RALGPS2: variants seen among roughly 807,000 people sequenced by gnomAD.
RALGPS2 encodes the protein Ral GEF with PH domain and SH3 binding motif 2, also known as ras-specific guanine nucleotide-releasing factor RalGPS2.
A neutral mutation model predicts 86.8 loss-of-function variants in RALGPS2; 43 were observed. The observed-to-expected ratio is 0.50, with a 90% CI of 0.39 to 0.64. The LOEUF (loss-of-function observed/expected upper bound fraction) is 0.64, where lower values mean the gene tolerates loss of function less well. Ranked by LOEUF, RALGPS2 falls within the 30% of genes least tolerant of loss-of-function variation. The pLI is 0.00. For missense variants in RALGPS2, 536 were observed against 694.6 expected (o/e 0.77, Z 2.57); for synonymous variants, 243 against 231.3 (o/e 1.05, Z -0.46).
intron 18 of RALGPS2, among the ~76,000 whole-genome samples, chr1:178,905,292 T>C (rs1387112642): frequency 2.0e-5 from 3 of 152,224 alleles, no homozygotes; most frequent in African/African-American, 7.2e-5. Context: ...AGTTAACAGA[T>C]TCTTTGTTTT....
At chr1:178,806,878 T>C (rs1279661581) in intron 4 of RALGPS2, among the ~76,000 whole-genome samples, 1 of 152,204 alleles carries the variant, frequency 6.6e-6, no homozygotes, top group East Asian at 1.9e-4. Context: ...GTTTCGGACC[T>C]TGGACTCGTC....
chr1:178,793,004 C>G (rs112821161), intron 4 of RALGPS2, among the ~76,000 whole-genome samples: 4 of 152,144 alleles, frequency 2.6e-5, no homozygotes, highest in African/African-American at 9.7e-5. Flanking sequence ...CTGCCCCTCC[C>G]CCTTTGTAAA....
At chr1:178,843,576 T>C (rs12143579) in intron 8 of RALGPS2, among the ~76,000 whole-genome samples, 67,936 of 146,196 alleles carry the variant, frequency 0.46, 17,097 homozygotes, top group African/African-American at 0.66. Context: ...GTGGGTGCAG[T>C]GCACCAACAT....
intron 1 of RALGPS2, among the ~76,000 whole-genome samples, chr1:178,752,328 T>G (rs1186263619): frequency 1.3e-5 from 2 of 149,890 alleles, no homozygotes; most frequent in Non-Finnish European, 2.9e-5. Context: ...TTTTTTTTTT[T>G]TTGTAGAGAT....
chr1:178,780,569 G>A (rs892836985), intron 2 of RALGPS2, among the ~76,000 whole-genome samples: 3 of 151,906 alleles, frequency 2.0e-5, no homozygotes, highest in African/African-American at 7.3e-5. Flanking sequence ...CTTCAAAATG[G>A]CCCCAAATTT....
intron 6 of RALGPS2, among the ~76,000 whole-genome samples, chr1:178,817,565 T>G (rs1005452597): frequency 2.0e-5 from 3 of 152,020 alleles, no homozygotes; most frequent in Non-Finnish European, 4.4e-5. Flanking sequence ...GTGTTCTAAT[T>G]TTTTTTTCTT....
Position 178,897,667 on chromosome 1 carries a change from G to A in RALGPS2, c.1435G>A (p.Ala479Thr). 1 of 1,609,920 alleles carries A rather than the reference G, an allele frequency of 6.2e-7. No individual in the cohort carries two copies. Among genetic ancestry groups the A allele is most frequent in the Non-Finnish European group, 8.5e-7 (1 of 1,176,660 alleles). ...LLKEGKKPTV[A>T]SWTKYWAALC... ...TTCCTGTGTTTGTCCTATCCAGGTA[G>A]CATCTTGGACAAAATATTGGGCAGC... The change falls in exon 17 of 20, where the codon GCA becomes ACA. Residue 479 changes from alanine (A) to threonine (T), a missense_variant. Coordinates refer to ENST00000367635, the MANE Select transcript of RALGPS2 (RefSeq NM_152663.5).
At chr1:178,856,801 C>T (rs373642125) in intron 8 of RALGPS2, among the ~76,000 whole-genome samples, 4 of 152,134 alleles carry the variant, frequency 2.6e-5, no homozygotes, top group African/African-American at 9.6e-5. Flanking sequence ...GATGAATGTA[C>T]AGTCATTTCT....
At chr1:178,863,742 AGAAG>A (rs1459320455) in intron 8 of RALGPS2, among the ~76,000 whole-genome samples, 1 of 152,218 alleles carries the variant, frequency 6.6e-6, no homozygotes, top group Non-Finnish European at 1.5e-5. Flanking sequence ...TTTAAGGCAT[AGAAG>A]GAAGAAGATG....
At chr1:178,879,189 G>C in intron 10 of RALGPS2, 197 bp downstream of exon 10, 1 of 595,944 alleles carries the variant, frequency 1.7e-6, no homozygotes, top group East Asian at 3.9e-5. Context: ...TACCTCATCT[G>C]TTCTTTTTAA....
chr1:178,764,996 T>G (rs961145778), intron 1 of RALGPS2, among the ~76,000 whole-genome samples: 1 of 152,140 alleles, frequency 6.6e-6, no homozygotes, highest in African/African-American at 2.4e-5. Context: ...CTTTGTGCTC[T>G]CTCTCTCCTG....
intron 1 of RALGPS2, chr1:178,726,400 G>T (rs1650004973): frequency 6.6e-6 from 1 of 152,132 alleles, no homozygotes; most frequent in Non-Finnish European, 1.5e-5. Flanking sequence ...GTACGTGGGC[G>T]TGTTTGGGAA....
chr1:178,894,175 C>A, intron 16 of RALGPS2, 151 bp downstream of exon 16: 1 of 514,238 alleles, frequency 1.9e-6, no homozygotes, highest in Admixed American at 3.5e-5. Context: ...ATCCTTGGGT[C>A]ATCCATTCCA....
At chr1:178,747,859 G>A in intron 1 of RALGPS2, 1 of 580,474 alleles carries the variant, frequency 1.7e-6, no homozygotes. Context: ...AATGTTAATA[G>A]TTACTAAATA....
chr1:178,795,527 C>G (rs1654150166), intron 4 of RALGPS2, among the ~76,000 whole-genome samples: 1 of 152,032 alleles, frequency 6.6e-6, no homozygotes, highest in Non-Finnish European at 1.5e-5. Flanking sequence ...GTTCTTCTGC[C>G]TCAGCCTCCT....
At chr1:178,800,232 A>G (rs1361221298) in intron 4 of RALGPS2, among the ~76,000 whole-genome samples, 1 of 152,230 alleles carries the variant, frequency 6.6e-6, no homozygotes, top group Non-Finnish European at 1.5e-5. Context: ...TTCTTTTACA[A>G]CATGGACCGT....
chr1:178,779,734 T>C (rs1213793034), intron 2 of RALGPS2, among the ~76,000 whole-genome samples: 1 of 152,214 alleles, frequency 6.6e-6, no homozygotes, highest in Non-Finnish European at 1.5e-5. Context: ...ATGTGTTGTT[T>C]ATTTGTGGTG....
chr1:178,890,115 C>G (rs1659658739), intron 14 of RALGPS2, among the ~76,000 whole-genome samples: 1 of 151,840 alleles, frequency 6.6e-6, no homozygotes, highest in Non-Finnish European at 1.5e-5. Context: ...TTAAATTATA[C>G]AAGTAAAGCA....
chr1:178,845,693 T>C (rs184407773), intron 8 of RALGPS2, among the ~76,000 whole-genome samples: 1 of 152,288 alleles, frequency 6.6e-6, no homozygotes, highest in Admixed American at 6.5e-5. Context: ...TTTTTTGTTG[T>C]TGTTATTTTG....
Sources: allele counts gnomAD v4.1 joint callset (sites outside exome capture counted in the v4.1 genomes callset), GRCh38; gene constraint gnomAD v4.1.1; transcripts MANE v1.5; gene names NCBI Gene and HGNC (gene_info 2026-07-23, HGNC 2026-07-21).